The following COBL variants were observed in gnomAD, a reference collection of about 807,000 sequenced individuals.
The protein encoded by COBL is cordon-bleu WH2 repeat protein, also known as protein cordon-bleu.
COBL carries 51 observed loss-of-function variants against 98.8 expected under a neutral mutation model. The ratio of observed to expected loss-of-function variants is 0.52; its 90% CI spans 0.41 to 0.65. COBL has a LOEUF of 0.65. COBL is among the 30% of genes least tolerant of loss of function. The pLI is 0.00. For synonymous variants in COBL, 634 were observed against 651.7 expected (o/e 0.97, Z 0.41); for missense variants, 1,617 against 1,617.5 (o/e 1.00, Z 0.01).
At chr7:51,279,385 T>C (rs1799605559) in intron 1 of COBL, among the ~76,000 whole-genome samples, 1 of 152,254 alleles carries the variant, frequency 6.6e-6, no homozygotes, top group Admixed American at 6.5e-5. Context: ...TGTTATTAAA[T>C]AAATCACCTG....
intron 1 of COBL, among the ~76,000 whole-genome samples, chr7:51,296,532 T>C (rs1380885618): frequency 2.0e-5 from 3 of 152,244 alleles, no homozygotes; most frequent in Non-Finnish European, 4.4e-5. Context: ...TTACACAAGT[T>C]AAATATTTCA....
chr7:51,213,489 C>G (rs775305349), intron 2 of COBL, among the ~76,000 whole-genome samples: 3 of 152,194 alleles, frequency 2.0e-5, no homozygotes, highest in Non-Finnish European at 4.4e-5. Context: ...CAAAACCAGT[C>G]CCTGATGCCA....
chr7:51,130,282 T>A (rs1798617299), intron 6 of COBL, among the ~76,000 whole-genome samples: 1 of 152,114 alleles, frequency 6.6e-6, no homozygotes, highest in Non-Finnish European at 1.5e-5. Context: ...GGAGGCCAAC[T>A]GGCTGAGGAG....
chr7:51,143,962 T>C (rs765933416), intron 5 of COBL, among the ~76,000 whole-genome samples: 8 of 152,218 alleles, frequency 5.3e-5, no homozygotes, highest in Non-Finnish European at 1.0e-4. Flanking sequence ...ATATGTAGCA[T>C]GCTATAGAAG....
Position 51,154,731 on chromosome 7 carries a change from C to T in COBL, c.784-18400G>A, listed in dbSNP as rs527241108. Among the ~76,000 whole-genome samples, 19 of 152,310 alleles carry T rather than the reference C, an allele frequency of 1.2e-4. No homozygotes were observed. The East Asian group carries it at 3.7e-3, about 29-fold the overall frequency. ...GAGGAATGGGCATGGGCAATTTTCA[C>T]AAAACACTCAAGAAAATATCATTCA... On this transcript the variant is annotated intron_variant, in intron 5 of 12. Coordinates refer to ENST00000265136, the MANE Select transcript of COBL (RefSeq NM_015198.5).
intron 1 of COBL, among the ~76,000 whole-genome samples, chr7:51,239,753 T>C (rs1414754158): frequency 1.3e-5 from 2 of 152,184 alleles, no homozygotes; most frequent in African/African-American, 4.8e-5. Context: ...TCCACACTCA[T>C]GTCTCACTTT....
Position 51,016,975 on chromosome 7 carries a change from A to G in COBL, c.*576T>C. 3 of 403,940 alleles carry G rather than the reference A, an allele frequency of 7.4e-6. No individual in the cohort carries two copies. Among genetic ancestry groups the G allele is most frequent in the Admixed American group, 4.2e-5 (1 of 23,542 alleles). 25.0% of individuals were successfully genotyped at this position (403,940 alleles called of 1,614,324 possible). On this transcript the variant is annotated 3_prime_UTR_variant, in exon 13 of 13. Coordinates refer to ENST00000265136, the MANE Select transcript of COBL (RefSeq NM_015198.5). The stretch of plus-strand genomic sequence containing the variant: ...TGACCCTCTGTGAAGTGTTAGCCCC[A>G]AATATTTGAGGAAGAAGAATCCAGC...
At chr7:51,051,393 CTTAT>C (rs368555668) in intron 7 of COBL, among the ~76,000 whole-genome samples, 4 of 152,082 alleles carry the variant, frequency 2.6e-5, no homozygotes, top group Non-Finnish European at 4.4e-5. Flanking sequence ...TGTTTTGATG[CTTAT>C]TTGTTTTTCA....
chr7:51,089,834 T>G (rs917123095), intron 6 of COBL, among the ~76,000 whole-genome samples: 2 of 152,206 alleles, frequency 1.3e-5, no homozygotes, highest in Non-Finnish European at 2.9e-5. Flanking sequence ...TTATCTTTTT[T>G]TTTTTCCTTT....
intron 6 of COBL, among the ~76,000 whole-genome samples, chr7:51,101,150 T>C (rs1370623012): frequency 6.6e-6 from 1 of 152,226 alleles, no homozygotes; most frequent in East Asian, 1.9e-4. Flanking sequence ...ATACCATGTA[T>C]TTCCCAGTCA....
chr7:51,189,327 T>A (rs1789865680), intron 4 of COBL, among the ~76,000 whole-genome samples: 1 of 152,138 alleles, frequency 6.6e-6, no homozygotes, highest in Admixed American at 6.5e-5. Context: ...GATTTCACAA[T>A]AAACTTGGTA....
At chr7:51,310,157 G>T (rs1178287745) in intron 1 of COBL, among the ~76,000 whole-genome samples, 1 of 152,212 alleles carries the variant, frequency 6.6e-6, no homozygotes, top group Non-Finnish European at 1.5e-5. Flanking sequence ...GAAAGACTCA[G>T]CTCCCAGTTG....
chr7:51,092,342 T>C (rs1050613406), intron 6 of COBL, among the ~76,000 whole-genome samples: 1 of 152,238 alleles, frequency 6.6e-6, no homozygotes, highest in African/African-American at 2.4e-5. Context: ...ACTCATTCAA[T>C]AAATCAATGC....
chr7:51,120,903 TTATC>T (rs1489012132), intron 6 of COBL, among the ~76,000 whole-genome samples: 3 of 152,198 alleles, frequency 2.0e-5, no homozygotes, highest in African/African-American at 4.8e-5. Flanking sequence ...AAACCACAGT[TTATC>T]TATTCATCCA....
chr7:51,165,137 T>C (rs1482367738), intron 5 of COBL, among the ~76,000 whole-genome samples: 3 of 151,970 alleles, frequency 2.0e-5, no homozygotes, highest in Non-Finnish European at 4.4e-5. Context: ...ATCAATAACA[T>C]TGAATGTAAA....
intron 6 of COBL, among the ~76,000 whole-genome samples, chr7:51,097,356 AAAAACTGAAAGCTTTCTCTTT>A (rs1795360584): frequency 6.6e-6 from 1 of 152,192 alleles, no homozygotes; most frequent in South Asian, 2.1e-4. Flanking sequence ...CTCAATTGTG[AAAAACTGAAAGCTTTCTCTTT>A]AAGACGAGGA....
chr7:51,310,605 C>T (rs779410127), intron 1 of COBL, among the ~76,000 whole-genome samples: 4 of 152,104 alleles, frequency 2.6e-5, no homozygotes, highest in African/African-American at 4.8e-5. Context: ...GAGATGGGAT[C>T]GACCAGCCAG....
intron 8 of COBL, among the ~76,000 whole-genome samples, chr7:51,036,872 G>A (rs1166563660): frequency 6.6e-6 from 1 of 152,144 alleles, no homozygotes; most frequent in Non-Finnish European, 1.5e-5. Context: ...GCATTCCTGT[G>A]GAATTGATGT....
At chr7:51,306,362 A>G (rs2129210539) in intron 1 of COBL, among the ~76,000 whole-genome samples, 1 of 152,276 alleles carries the variant, frequency 6.6e-6, no homozygotes, top group South Asian at 2.1e-4. Context: ...TGCAGCTTGG[A>G]GCAAGGGCTG....
Sources: gnomAD v4.1 joint callset for allele counts (sites outside exome capture counted in the v4.1 genomes callset) on GRCh38, gnomAD v4.1.1 for gene constraint, MANE v1.5 for transcripts, NCBI Gene and HGNC (gene_info 2026-07-23, HGNC 2026-07-21) for gene names.